MXI1: variants seen among roughly 807,000 people sequenced by gnomAD.
MXI1 encodes max-interacting protein 1.
MXI1 carries 18 observed loss-of-function variants against 36.9 expected under a neutral mutation model. The ratio of observed to expected loss-of-function variants is 0.49; its 90% CI spans 0.34 to 0.72. The LOEUF is 0.72. Among genes scored for constraint, MXI1 ranks in the 30% least tolerant of loss-of-function variants. The pLI, the probability that MXI1 is intolerant of heterozygous loss-of-function variation, is 0.01. For missense variants in MXI1, 304 were observed against 379.1 expected (o/e 0.80, Z 1.64); for synonymous variants, 160 against 146.7 (o/e 1.09, Z -0.65).
intron 1 of MXI1, chr10:110,227,287 G>T: frequency 1.1e-6 from 1 of 917,880 alleles, no homozygotes; most frequent in South Asian, 5.2e-5. Context: ...TGGGAGGGGC[G>T]TGCGCGTGTG....
rs776161485 is a variant in MXI1, at chr10:110,208,020, A to G, written c.212A>G (p.Gln71Arg). The change falls in exon 1 of 6, where the codon CAG (glutamine) becomes CGG (arginine). Residue 71 changes from glutamine to arginine, a missense_variant. By Grantham distance (43) the Gln-to-Arg change is conservative (BLOSUM62 1). Around this residue, in one of 2 missense-constraint regions of MXI1, gnomAD observed 179 missense variants for 184.8 expected, o/e 0.97. Coordinates refer to ENST00000332674, the MANE Select transcript of MXI1 (RefSeq NM_130439.3). ...GAGAAGCACATCAACACTTTTCTGC[A>G]GAACGTGCAGATTCTGCTCGAGGCC... ...SMEKHINTFLQNVQILLEAAS... is the reference protein window; with the variant it reads ...SMEKHINTFLRNVQILLEAAS... 6.2e-7 allele frequency: 1 copy of G among 1,604,618 alleles called. No homozygotes were observed. Among genetic ancestry groups the G allele is most frequent in the East Asian group, 2.3e-5 (1 of 43,712 alleles).
intron 2 of MXI1, among the ~76,000 whole-genome samples, chr10:110,232,202 C>T (rs552318925): frequency 5.8e-4 from 88 of 152,204 alleles, no homozygotes; most frequent in African/African-American, 1.9e-3. Context: ...CCTCATGAAC[C>T]GCCCGGCTTG....
intron 3 of MXI1, among the ~76,000 whole-genome samples, chr10:110,277,273 T>C (rs934338370): frequency 3.3e-5 from 5 of 152,254 alleles, no homozygotes; most frequent in African/African-American, 1.2e-4. Context: ...AGTTGCTTTG[T>C]TGAGTTTTTT....
intron 2 of MXI1, among the ~76,000 whole-genome samples, chr10:110,241,171 G>C (rs2134385531): frequency 6.6e-6 from 1 of 152,034 alleles, no homozygotes; most frequent in East Asian, 1.9e-4. Flanking sequence ...CTCTCTTAAA[G>C]GGATGCTGTT....
In MXI1 at chr10:110,207,946, G is replaced by T; in HGVS notation, c.138G>T (p.Lys46Asn). ...TGCCCGAGGACCCCGCTGGGGCCAAGCCCAGGTGCCCCTTCTCAGACATTT... is the reference window on the plus strand; with the variant it reads ...TGCCCGAGGACCCCGCTGGGGCCAATCCCAGGTGCCCCTTCTCAGACATTT... ...PALPEDPAGA[K>N]PRCPFSDIFN... Residue 46 changes from lysine (K) to asparagine (N), a missense_variant, in exon 1 of 6, where the codon AAG becomes AAT. Coordinates refer to ENST00000332674, the MANE Select transcript of MXI1 (RefSeq NM_130439.3). 2 of 1,588,522 alleles carry T rather than the reference G, an allele frequency of 1.3e-6. No homozygotes were observed. Among genetic ancestry groups the T allele is most frequent in the Non-Finnish European group, 1.7e-6 (2 of 1,168,492 alleles).
intron 3 of MXI1, among the ~76,000 whole-genome samples, chr10:110,245,287 A>G (rs930337360): frequency 2.1e-4 from 32 of 152,306 alleles, no homozygotes; most frequent in Non-Finnish European, 4.3e-4. Flanking sequence ...TTTATCAAAC[A>G]TGAGCTGTAT....
At chr10:110,211,510 A>G in intron 1 of MXI1, among the ~76,000 whole-genome samples, 1 of 152,144 alleles carries the variant, frequency 6.6e-6, no homozygotes, top group East Asian at 1.9e-4. Flanking sequence ...TGCATGGTGG[A>G]CCCTGGTCAC....
chr10:110,273,197 G>A (rs999709121), intron 3 of MXI1, among the ~76,000 whole-genome samples: 12 of 151,880 alleles, frequency 7.9e-5, no homozygotes, highest in Admixed American at 2.6e-4. Context: ...ACAGGCATGT[G>A]CCACCACGCC....
intron 3 of MXI1, among the ~76,000 whole-genome samples, chr10:110,266,742 C>T (rs1337011828): frequency 6.6e-6 from 1 of 152,180 alleles, no homozygotes; most frequent in African/African-American, 2.4e-5. Context: ...TATCTGAGTG[C>T]TTCTCATCCT....
intron 1 of MXI1, among the ~76,000 whole-genome samples, chr10:110,214,958 G>C (rs1854594699): frequency 6.6e-6 from 1 of 151,504 alleles, no homozygotes; most frequent in East Asian, 1.9e-4. Flanking sequence ...AGGCAGAAAT[G>C]GGGGAGCTTT....
In MXI1 at chr10:110,224,751, G is replaced by A. The variant is rs562186884; in HGVS notation, c.275-3438G>A. On this transcript the variant is annotated intron_variant, in intron 1 of 5. Coordinates refer to ENST00000332674, the MANE Select transcript of MXI1 (RefSeq NM_130439.3). The stretch of plus-strand genomic sequence containing the variant: ...CAACCTCCGCCTCCCGGGTTCAAGC[G>A]ATTCTCGTGCCTCAGCCTCCCGAGT... Among the ~76,000 whole-genome samples the A allele has an allele frequency of 1.1e-4, 16 of 151,572 alleles. No homozygotes were observed. The South Asian group carries it at 3.1e-3, about 30-fold the overall frequency.
intron 1 of MXI1, chr10:110,227,249 G>A: frequency 2.6e-6 from 2 of 759,560 alleles, no homozygotes; most frequent in Non-Finnish European, 3.1e-6. Context: ...CGGGGGGGAG[G>A]GGCGTGTGCG....
intron 3 of MXI1, among the ~76,000 whole-genome samples, chr10:110,265,905 T>C (rs906267786): frequency 2.6e-5 from 4 of 152,220 alleles, no homozygotes; most frequent in African/African-American, 9.6e-5. Context: ...GGAGAAACAC[T>C]ACATCTGAGT....
intron 2 of MXI1, among the ~76,000 whole-genome samples, chr10:110,235,695 AAAT>A (rs1855437750): frequency 3.7e-5 from 4 of 109,134 alleles, no homozygotes; most frequent in South Asian, 5.2e-4. Context: ...CTCAAAAAAT[AAAT>A]AAATAAATAA....
chr10:110,252,494 T>C (rs1283753327), intron 3 of MXI1, among the ~76,000 whole-genome samples: 1 of 152,130 alleles, frequency 6.6e-6, no homozygotes, highest in African/African-American at 2.4e-5. Flanking sequence ...CCTGCTCTAG[T>C]TCTTCATCAT....
intron 3 of MXI1, among the ~76,000 whole-genome samples, chr10:110,248,882 A>G (rs559455299): frequency 6.6e-6 from 1 of 152,314 alleles, no homozygotes; most frequent in South Asian, 2.1e-4. Flanking sequence ...CGAATTTAGA[A>G]TAATAATCTG....
At chr10:110,208,942 G>T (rs1409306837) in intron 1 of MXI1, among the ~76,000 whole-genome samples, 1 of 152,216 alleles carries the variant, frequency 6.6e-6, no homozygotes, top group African/African-American at 2.4e-5. Flanking sequence ...CGGCTCTTGA[G>T]TGAGCGCACA....
At chr10:110,208,832 G>T (rs1303314298) in intron 1 of MXI1, among the ~76,000 whole-genome samples, 3 of 151,262 alleles carry the variant, frequency 2.0e-5, no homozygotes, top group Admixed American at 6.6e-5. Flanking sequence ...AAACTTGGCC[G>T]TGGGGACGCG....
At chr10:110,219,089 C>T (rs1854729791) in intron 1 of MXI1, among the ~76,000 whole-genome samples, 1 of 152,190 alleles carries the variant, frequency 6.6e-6, no homozygotes, top group South Asian at 2.1e-4. Context: ...CACCTGAGGT[C>T]AGGAGTTCGA....
Sources: allele counts gnomAD v4.1 joint callset (sites outside exome capture counted in the v4.1 genomes callset), GRCh38; gene constraint gnomAD v4.1.1; regional missense constraint gnomAD v4.1.1; transcripts MANE v1.5; gene names NCBI Gene and HGNC (gene_info 2026-07-23, HGNC 2026-07-21).